Variants in SNX31 observed in about 807,000 individuals in gnomAD.
The protein encoded by SNX31 is sorting nexin 31.
SNX31 carries 58 observed loss-of-function variants against 65.4 expected under a neutral mutation model. That is an observed-to-expected ratio of 0.89 (90% confidence interval 0.72 to 1.10). SNX31 has a LOEUF of 1.10. SNX31 is among the 50% of genes least tolerant of loss of function. SNX31 has a pLI of 0.00. For synonymous variants in SNX31, 181 were observed against 190.1 expected, an observed-to-expected ratio of 0.95 and a Z score of 0.39; for missense variants, 523 against 529.7, an observed-to-expected ratio of 0.99 and a Z score of 0.12.
chr8:100,596,950 A>AC lies in SNX31; in HGVS notation c.775-109dup, dbSNP rs1350579728. The AC allele has an allele frequency of 5.5e-6, 5 of 909,794 alleles. No individual in the cohort carries two copies. In the East Asian group the frequency reaches 1.2e-4, roughly 22 times the overall value. The allele number at this position is 909,794 out of a possible 1,614,324, so 56.4% of individuals were successfully genotyped here. ...GAAGCTACTGCCATTCTAGGATAAT[A>AC]CATGGAACTGAGTCACAGTGAAAGC... is the stretch of plus-strand genomic sequence containing the variant. On this transcript the variant is annotated intron_variant, in intron 9 of 13. Transcript: ENST00000311812.
Position 100,589,767 on chromosome 8 carries a change from C to T in SNX31, c.979-788G>A, listed in dbSNP as rs182885585. 2.0e-3 allele frequency among the ~76,000 whole-genome samples: 310 copies of T among 152,324 alleles called. 1 individual carries two copies. Among genetic ancestry groups the T allele is most frequent in the Non-Finnish European group, 3.4e-3 (228 of 68,026 alleles). On this transcript the variant is annotated intron_variant, in intron 10 of 13. Transcript: ENST00000311812. The stretch of plus-strand genomic sequence containing the variant: ...ATCCTGAAAGCCTGGTAGGCAACAT[C>T]TGTGATTTTTGCTTTGCAGCATCCA...
chr8:100,598,029 T>C (rs1487911512), intron 9 of SNX31, among the ~76,000 whole-genome samples: 1 of 152,234 alleles, frequency 6.6e-6, no homozygotes, highest in African/African-American at 2.4e-5. Context: ...CTTGTGATCC[T>C]TTCTTGAAGC....
At chr8:100,650,377 G>A (rs1187153144), upstream of SNX31, among the ~76,000 whole-genome samples, 1 of 152,164 alleles carries the variant, frequency 6.6e-6, no homozygotes, top group African/African-American at 2.4e-5. Flanking sequence ...AACTCTTCCA[G>A]GTAAACAGAG....
Position 100,588,985 on chromosome 8 carries a change from A to G in SNX31, c.979-6T>C. On this transcript the variant is annotated splice_polypyrimidine_tract_variant and splice_region_variant and intron_variant, in intron 10 of 13. Transcript: ENST00000311812. The surrounding 1 kb of genome is among the most constrained non-coding windows in gnomAD (Gnocchi z 4.8). ...TCCGTATCCAGCAGAGTTCCCTACA[A>G]AGGAAAATATTTTATATTCAATGTA... is the stretch of plus-strand genomic sequence containing the variant. The G allele has an allele frequency of 6.2e-7, 1 of 1,603,774 alleles. No homozygotes were observed. Among genetic ancestry groups the G allele is most frequent in the African/African-American group, 1.3e-5 (1 of 74,688 alleles).
chr8:100,574,626 C>T (rs913130986), intron 13 of SNX31, among the ~76,000 whole-genome samples: 4 of 94,176 alleles, frequency 4.2e-5, no homozygotes, highest in South Asian at 3.1e-4. Flanking sequence ...AGTGAGACTC[C>T]GTCTAAAAAA....
intron 11 of SNX31, among the ~76,000 whole-genome samples, chr8:100,584,760 T>TTTTTC (rs1813879805): frequency 6.6e-6 from 1 of 150,462 alleles, no homozygotes; most frequent in Non-Finnish European, 1.5e-5. Context: ...TTTTTTTTTT[T>TTTTTC]TTTTCTCTGA....
chr8:100,593,015 G>GT (rs1814725624), intron 10 of SNX31, among the ~76,000 whole-genome samples: 1 of 152,124 alleles, frequency 6.6e-6, no homozygotes, highest in Non-Finnish European at 1.5e-5. Context: ...TAGATCAGTG[G>GT]TTTTTTAGGG....
intron 3 of SNX31, 129 bp downstream of exon 3, chr8:100,635,768 C>T (rs571492377): frequency 3.1e-5 from 19 of 616,270 alleles, no homozygotes; most frequent in African/African-American, 7.5e-5. Flanking sequence ...AATTAGATTA[C>T]GGTAATGGTC....
rs187608335 is a variant in SNX31 at position 100,593,417 on chromosome 8, G to T, written c.978+3222C>A. On this transcript the variant is annotated intron_variant, in intron 10 of 13. Coordinates refer to ENST00000311812, the MANE Select transcript of SNX31 (RefSeq NM_152628.4). Reference sequence around the variant, plus strand: ...CCAGAGGCAAACAAACAAACAAAAGGTTGGGGATGGGGGGATAACCACCTT... The same window carrying T: ...CCAGAGGCAAACAAACAAACAAAAGTTTGGGGATGGGGGGATAACCACCTT... Among the ~76,000 whole-genome samples, 144 of 152,186 alleles carry T rather than the reference G, an allele frequency of 9.5e-4. 1 individual carries two copies. Among genetic ancestry groups the T allele is most frequent in the Admixed American group, 3.6e-3 (55 of 15,288 alleles).
intron 5 of SNX31, among the ~76,000 whole-genome samples, chr8:100,615,966 T>G (rs557811018): frequency 1.2e-4 from 18 of 152,136 alleles, no homozygotes; most frequent in South Asian, 4.2e-4. Flanking sequence ...AGTAGAGATG[T>G]GGTCTCACTG....
intron 3 of SNX31, among the ~76,000 whole-genome samples, chr8:100,634,324 A>T (rs1449326510): frequency 6.6e-6 from 1 of 152,196 alleles, no homozygotes; most frequent in Admixed American, 6.5e-5. Flanking sequence ...ACTGCTAATA[A>T]AGACCTCTGA....
intron 12 of SNX31, among the ~76,000 whole-genome samples, chr8:100,579,003 C>A (rs533684894): frequency 6.6e-6 from 1 of 151,948 alleles, no homozygotes; most frequent in Non-Finnish European, 1.5e-5. Flanking sequence ...ATTACAGGCA[C>A]GAGACACTGT....
chr8:100,609,193 C>A lies in SNX31; in HGVS notation c.612-630G>T, dbSNP rs1360486408. ...CCAACCCCACCACCAACGCTACATT[C>A]CAACCATGTTTTCTCTCCTCTCTCC... On this transcript the variant is annotated intron_variant, in intron 7 of 13. Transcript: ENST00000311812. The surrounding 1 kb of genome is among the most constrained non-coding windows in gnomAD (Gnocchi z 4.9). Among the ~76,000 whole-genome samples the A allele has an allele frequency of 6.6e-6, 1 of 152,220 alleles. No individual in the cohort carries two copies. Among genetic ancestry groups the A allele is most frequent in the East Asian group, 1.9e-4 (1 of 5,202 alleles).
At chr8:100,601,747 C>A (rs1275216600) in intron 8 of SNX31, among the ~76,000 whole-genome samples, 1 of 152,232 alleles carries the variant, frequency 6.6e-6, no homozygotes, top group African/African-American at 2.4e-5. Flanking sequence ...GCTTCCTAAT[C>A]CACTGCAGGC....
rs1036825501 is a variant in SNX31, at chr8:100,575,940, G to A, written c.1227+1079C>T. Reference sequence around the variant, plus strand: ...TTGAGAACCACAGCTCCATGCTGTCGGCATGCTGCTAAAATGGGTGCATTA... The same window carrying A: ...TTGAGAACCACAGCTCCATGCTGTCAGCATGCTGCTAAAATGGGTGCATTA... On this transcript the variant is annotated intron_variant, in intron 13 of 13. Coordinates refer to ENST00000311812, the MANE Select transcript of SNX31 (RefSeq NM_152628.4). This position sits in a 1 kb window ranked among gnomAD's most constrained non-coding sequence, Gnocchi z 5.1. Among the ~76,000 whole-genome samples, 4 of 103,480 alleles carry A rather than the reference G, an allele frequency of 3.9e-5. No individual in the cohort carries two copies. The South Asian group carries it at 1.3e-3, about 33-fold the overall frequency. The allele number at this position is 103,480 out of a possible 152,430, so 67.9% of individuals were successfully genotyped here. A position where few individuals can be genotyped will look rare whatever the true frequency, so the allele number is the denominator to read the frequency against.
upstream of SNX31, among the ~76,000 whole-genome samples, chr8:100,652,972 T>C (rs150196805): frequency 2.0e-4 from 30 of 152,330 alleles, no homozygotes; most frequent in Non-Finnish European, 4.0e-4. Flanking sequence ...TGAGCAAACA[T>C]GGAAGAGATT....
chr8:100,600,469 G>T, intron 8 of SNX31, 28 bp from the exon 9 acceptor site: 2 of 1,568,434 alleles, frequency 1.3e-6, no homozygotes, highest in Non-Finnish European at 1.7e-6. Flanking sequence ...TGTAAAATTA[G>T]CAGTCTTAGC....
At chr8:100,643,216 CA>C (rs1819391898) in intron 2 of SNX31, among the ~76,000 whole-genome samples, 1 of 147,042 alleles carries the variant, frequency 6.8e-6, no homozygotes, top group East Asian at 2.0e-4. Flanking sequence ...AAAACAGAAA[CA>C]AACAAAAAAA....
intron 1 of SNX31, 49 bp from the exon 2 acceptor site, chr8:100,649,397 G>C: frequency 6.2e-7 from 1 of 1,609,052 alleles, no homozygotes; most frequent in Non-Finnish European, 8.5e-7. Flanking sequence ...GGATAAGTGA[G>C]CATTGCCACC....
Sources: gnomAD v4.1 joint callset for allele counts (sites outside exome capture counted in the v4.1 genomes callset) on GRCh38, gnomAD v4.1.1 for gene constraint, Gnocchi (gnomAD v3.1) non-coding constraint, MANE v1.5 for transcripts, NCBI Gene and HGNC (gene_info 2026-07-23, HGNC 2026-07-21) for gene names.